Variants in CDK15 observed in about 807,000 individuals in gnomAD.
CDK15 encodes cyclin dependent kinase 15.
In CDK15, 62 loss-of-function variants were observed where a neutral mutation model predicts 60.3. The ratio of observed to expected loss-of-function variants is 1.03; its 90% CI spans 0.84 to 1.27. The LOEUF is 1.27. Ranked by LOEUF, CDK15 falls within the 50% of genes most tolerant of loss-of-function variation. The pLI, the probability that CDK15 is intolerant of heterozygous loss-of-function variation, is 0.00. For missense variants in CDK15, 541 were observed against 527.8 expected, an observed-to-expected ratio of 1.03 and a Z score of -0.25; for synonymous variants, 194 against 195.7, an observed-to-expected ratio of 0.99 and a Z score of 0.07.
chr2:201,836,951 A>T (rs1339555258), intron 8 of CDK15, among the ~76,000 whole-genome samples: 1 of 152,040 alleles, frequency 6.6e-6, no homozygotes, highest in Non-Finnish European at 1.5e-5. Context: ...AAATGAAGGT[A>T]ATAAACTCTC....
At chr2:201,864,500 T>C (rs143083316) in intron 10 of CDK15, among the ~76,000 whole-genome samples, 17 of 152,280 alleles carry the variant, frequency 1.1e-4, no homozygotes, top group Non-Finnish European at 1.8e-4. Flanking sequence ...GTATTTTTAG[T>C]AGAGACGGGG....
chr2:201,871,743 T>A (rs1698857487), intron 10 of CDK15, among the ~76,000 whole-genome samples: 1 of 152,124 alleles, frequency 6.6e-6, no homozygotes. Flanking sequence ...ATTTATTGTC[T>A]TACAGTTCTG....
intron 6 of CDK15, among the ~76,000 whole-genome samples, chr2:201,827,795 C>G (rs1696573975): frequency 6.6e-6 from 1 of 152,142 alleles, no homozygotes; most frequent in South Asian, 2.1e-4. Context: ...TAGTGCCTCT[C>G]AAACTTCAGT....
At chr2:201,835,820 T>G (rs1437727317) in intron 8 of CDK15, 57 bp downstream of exon 8, 4 of 1,328,496 alleles carry the variant, frequency 3.0e-6, no homozygotes, top group East Asian at 3.0e-5. Context: ...TGCTTTATCA[T>G]CTACATTATA....
chr2:201,879,317 C>A (rs1014278696), intron 11 of CDK15, among the ~76,000 whole-genome samples: 1 of 152,208 alleles, frequency 6.6e-6, no homozygotes, highest in Non-Finnish European at 1.5e-5. Context: ...CTTTAGAATT[C>A]TGTGCTTTTC....
At chr2:201,853,579 T>C (rs1260419987) in intron 9 of CDK15, among the ~76,000 whole-genome samples, 2 of 152,182 alleles carry the variant, frequency 1.3e-5, no homozygotes, top group Non-Finnish European at 2.9e-5. Context: ...GTAAGAGATG[T>C]TTCTAAAAAG....
At chr2:201,875,136 A>G (rs982483207) in intron 11 of CDK15, among the ~76,000 whole-genome samples, 1 of 151,944 alleles carries the variant, frequency 6.6e-6, no homozygotes, top group African/African-American at 2.4e-5. Context: ...ATTTTTTCTT[A>G]TTGTTTGTGT....
At chr2:201,849,256 C>A (rs34842805) in intron 9 of CDK15, among the ~76,000 whole-genome samples, 15,628 of 152,224 alleles carry the variant, frequency 0.1, 984 homozygotes, top group Middle Eastern at 0.17. Context: ...TCAATAGATG[C>A]TTGCTTTCTT....
intron 3 of CDK15, among the ~76,000 whole-genome samples, chr2:201,811,252 G>A (rs1394679407): frequency 1.3e-5 from 2 of 151,232 alleles, no homozygotes; most frequent in Non-Finnish European, 2.9e-5. Flanking sequence ...CCAGGTTCAC[G>A]CCATTCTCCT....
At chr2:201,893,019 T>C (rs1224337298) in intron 13 of CDK15, among the ~76,000 whole-genome samples, 1 of 152,180 alleles carries the variant, frequency 6.6e-6, no homozygotes, top group Admixed American at 6.5e-5. Context: ...AGTAAGGGCT[T>C]TACACATATT....
intron 1 of CDK15, 35 bp downstream of exon 1, chr2:201,806,822 T>C (rs748943259): frequency 3.4e-5 from 55 of 1,594,804 alleles, no homozygotes; most frequent in Non-Finnish European, 4.5e-5. Context: ...TCTTTCTCTA[T>C]TGATAAACCA....
intron 9 of CDK15, among the ~76,000 whole-genome samples, chr2:201,853,167 C>G (rs1345517327): frequency 1.3e-5 from 2 of 152,172 alleles, no homozygotes; most frequent in Non-Finnish European, 2.9e-5. Context: ...CCTTCTCCCA[C>G]AAAAGAAGAA....
At chr2:201,861,656 G>A (rs1574914716) in intron 10 of CDK15, 3 of 429,340 alleles carry the variant, frequency 7.0e-6, no homozygotes, top group Non-Finnish European at 6.2e-6. Flanking sequence ...CGCCTCCTGG[G>A]TACAAGCGGT....
intron 10 of CDK15, chr2:201,861,598 T>A: frequency 1.1e-6 from 1 of 902,946 alleles, no homozygotes; most frequent in Non-Finnish European, 1.3e-6. Context: ...GTCTCACTTG[T>A]CACCCAGGCT....
intron 3 of CDK15, among the ~76,000 whole-genome samples, chr2:201,812,113 G>T (rs1211326391): frequency 6.7e-6 from 1 of 149,538 alleles, no homozygotes; most frequent in Non-Finnish European, 1.5e-5. Flanking sequence ...GGTGGAGGTT[G>T]CAGTGAGCCA....
intron 9 of CDK15, among the ~76,000 whole-genome samples, chr2:201,847,728 A>G (rs577375452): frequency 1.3e-5 from 2 of 152,310 alleles, no homozygotes; most frequent in East Asian, 3.9e-4. Context: ...CCCTGTCATT[A>G]GTATTGTCTT....
intron 6 of CDK15, among the ~76,000 whole-genome samples, chr2:201,824,184 G>A (rs11680161): frequency 0.64 from 96,541 of 152,012 alleles, 31,383 homozygotes; most frequent in Admixed American, 0.74. Context: ...CATTAGAATC[G>A]AAATAATAAA....
chr2:201,823,397 C>T (rs555035160), intron 5 of CDK15, among the ~76,000 whole-genome samples: 8 of 152,200 alleles, frequency 5.3e-5, no homozygotes, highest in South Asian at 2.1e-4. Context: ...AAAATTCCTG[C>T]GTCGTTGTGT....
intron 12 of CDK15, among the ~76,000 whole-genome samples, chr2:201,886,929 A>T (rs1005868981): frequency 6.6e-6 from 1 of 152,214 alleles, no homozygotes; most frequent in African/African-American, 2.4e-5. Flanking sequence ...AAAGTGTTAT[A>T]GCATGCATAT....
Sources: allele counts gnomAD v4.1 joint callset (sites outside exome capture counted in the v4.1 genomes callset), GRCh38; gene constraint gnomAD v4.1.1; transcripts MANE v1.5; gene names NCBI Gene and HGNC (gene_info 2026-07-23, HGNC 2026-07-21).